ANKIB1: variants seen among roughly 807,000 people sequenced by gnomAD.
The protein encoded by ANKIB1 is ankyrin repeat and IBR domain containing 1.
In ANKIB1, 43 loss-of-function variants were observed where a neutral mutation model predicts 122.1. That is an observed-to-expected ratio of 0.35 (90% CI 0.28 to 0.45). The LOEUF is 0.45. Among genes scored for constraint, ANKIB1 ranks in the 20% least tolerant of loss-of-function variants. ANKIB1 has a pLI of 1.00. For missense variants in ANKIB1, 992 were observed against 1,329.5 expected (o/e 0.75, Z 3.95); for synonymous variants, 390 against 442.0 (o/e 0.88, Z 1.48).
intron 7 of ANKIB1, among the ~76,000 whole-genome samples, chr7:92,347,239 C>CA (rs1308245721): frequency 2.0e-5 from 3 of 152,140 alleles, no homozygotes; most frequent in African/African-American, 7.2e-5. Context: ...GAATGTGGCC[C>CA]AACACAAATT....
At chr7:92,374,865 C>A (rs1804347237) in intron 11 of ANKIB1, among the ~76,000 whole-genome samples, 2 of 148,884 alleles carry the variant, frequency 1.3e-5, no homozygotes, top group South Asian at 2.1e-4. Context: ...AACCACTAAG[C>A]TAACATAATC....
At chr7:92,254,629 A>C (rs926603816) in intron 1 of ANKIB1, among the ~76,000 whole-genome samples, 1 of 152,050 alleles carries the variant, frequency 6.6e-6, no homozygotes, top group Non-Finnish European at 1.5e-5. Flanking sequence ...TTTGATTTTC[A>C]GTTCTGTGAA....
chr7:92,315,496 A>T (rs1802777711), intron 3 of ANKIB1, among the ~76,000 whole-genome samples: 1 of 152,222 alleles, frequency 6.6e-6, no homozygotes, highest in Admixed American at 6.5e-5. Flanking sequence ...AACAGAGTTA[A>T]AGTCACAGCA....
At chr7:92,281,371 A>G (rs1216111577) in intron 1 of ANKIB1, among the ~76,000 whole-genome samples, 1 of 152,204 alleles carries the variant, frequency 6.6e-6, no homozygotes. Flanking sequence ...GACTCCTATC[A>G]GTTAGGGTGG....
chr7:92,352,909 A>C (rs1208681382), intron 9 of ANKIB1, among the ~76,000 whole-genome samples: 1 of 152,226 alleles, frequency 6.6e-6, no homozygotes, highest in Non-Finnish European at 1.5e-5. Flanking sequence ...CAGATAAACA[A>C]ACTCAGGCAC....
At chr7:92,296,163 G>A (rs1366710040) in intron 2 of ANKIB1, among the ~76,000 whole-genome samples, 1 of 151,880 alleles carries the variant, frequency 6.6e-6, no homozygotes, top group East Asian at 1.9e-4. Context: ...TGTCCATGCT[G>A]TTCTCTTGGC....
intron 15 of ANKIB1, 38 bp downstream of exon 15, chr7:92,390,154 A>T: frequency 7.0e-7 from 1 of 1,431,354 alleles, no homozygotes; most frequent in Non-Finnish European, 9.3e-7. Flanking sequence ...GGCAGCAGTT[A>T]TTATGAAATA....
At chr7:92,250,650 G>A (rs1220430869) in intron 1 of ANKIB1, among the ~76,000 whole-genome samples, 1 of 152,100 alleles carries the variant, frequency 6.6e-6, no homozygotes, top group Non-Finnish European at 1.5e-5. Context: ...TAAAATTTTT[G>A]AGTTTGATTT....
At chr7:92,273,574 G>A (rs1801841349) in intron 1 of ANKIB1, among the ~76,000 whole-genome samples, 1 of 152,168 alleles carries the variant, frequency 6.6e-6, no homozygotes, top group Admixed American at 6.5e-5. Flanking sequence ...CATTGATGAA[G>A]ATGAAGTAAA....
chr7:92,350,136 T>G (rs1206058955), intron 7 of ANKIB1, among the ~76,000 whole-genome samples: 5 of 150,018 alleles, frequency 3.3e-5, no homozygotes, highest in African/African-American at 1.2e-4. Flanking sequence ...AAGTAGGAAA[T>G]AAAACTTATT....
intron 11 of ANKIB1, among the ~76,000 whole-genome samples, chr7:92,376,458 T>TA (rs990296572): frequency 2.0e-5 from 3 of 150,868 alleles, no homozygotes; most frequent in African/African-American, 7.4e-5. Flanking sequence ...TTTTATTTTT[T>TA]TTTTTTTTGA....
At chr7:92,247,538 A>T (rs982951233) in intron 1 of ANKIB1, among the ~76,000 whole-genome samples, 1 of 152,228 alleles carries the variant, frequency 6.6e-6, no homozygotes, top group African/African-American at 2.4e-5. Context: ...CTGCTGCTTA[A>T]ACTGTGAATG....
At chr7:92,370,698 A>G (rs1360051894) in intron 10 of ANKIB1, among the ~76,000 whole-genome samples, 2 of 152,086 alleles carry the variant, frequency 1.3e-5, no homozygotes, top group African/African-American at 4.8e-5. Flanking sequence ...TACACATTCT[A>G]TGCACATTAC....
intron 3 of ANKIB1, among the ~76,000 whole-genome samples, chr7:92,310,989 ACTT>A: frequency 6.6e-6 from 1 of 152,306 alleles, no homozygotes; most frequent in African/African-American, 2.4e-5. Context: ...GTATCATACT[ACTT>A]TGATGAACGG....
chr7:92,248,071 G>A (rs1303751143), intron 1 of ANKIB1, among the ~76,000 whole-genome samples: 6 of 152,152 alleles, frequency 3.9e-5, no homozygotes, highest in African/African-American at 1.2e-4. Flanking sequence ...TGTGGCTTTT[G>A]CTTTCTGTAA....
rs71560815 is a variant in ANKIB1, at chr7:92,357,692, G to A, written c.1398-4493G>A. 2.7e-3 allele frequency among the ~76,000 whole-genome samples: 382 copies of A among 143,558 alleles called. 1 individual carries two copies. Among genetic ancestry groups the A allele is most frequent in the Non-Finnish European group, 4.4e-3 (295 of 66,832 alleles). 94.2% of individuals were successfully genotyped at this position (143,558 alleles called of 152,430 possible). On this transcript the variant is annotated intron_variant, in intron 9 of 19. Transcript: ENST00000265742. ...GGAAGCTGCAGTGAGCCAAGATCAC[G>A]CCACTGCACTCCAGCCTGGGTGCCA...
At chr7:92,394,155 A>G (rs996907070) in intron 17 of ANKIB1, among the ~76,000 whole-genome samples, 4 of 152,168 alleles carry the variant, frequency 2.6e-5, no homozygotes, top group Non-Finnish European at 4.4e-5. Flanking sequence ...CATCTTTACA[A>G]TGTGGATGGT....
chr7:92,340,229 C>G (rs560666424), intron 5 of ANKIB1, among the ~76,000 whole-genome samples: 1 of 152,236 alleles, frequency 6.6e-6, no homozygotes, highest in African/African-American at 2.4e-5. Context: ...AGTAAGACTA[C>G]CTGTTCAGCT....
chr7:92,346,060 T>C (rs1328316290), intron 7 of ANKIB1, among the ~76,000 whole-genome samples: 1 of 152,150 alleles, frequency 6.6e-6, no homozygotes, highest in Non-Finnish European at 1.5e-5. Flanking sequence ...GAATCCCTGC[T>C]ACTCTTCTCT....
Sources: allele counts gnomAD v4.1 joint callset (sites outside exome capture counted in the v4.1 genomes callset), GRCh38; gene constraint gnomAD v4.1.1; transcripts MANE v1.5; gene names NCBI Gene and HGNC (gene_info 2026-07-23, HGNC 2026-07-21).